Variants in WDR25 observed in about 807,000 individuals in gnomAD.
WDR25 encodes WD repeat domain 25.
Under a neutral mutation model 47.7 loss-of-function variants are expected in WDR25, and 35 were observed. That is an observed-to-expected ratio of 0.73 (90% CI 0.56 to 0.97). The LOEUF (loss-of-function observed/expected upper bound fraction) is 0.97, where lower values mean the gene tolerates loss of function less well. Ranked by LOEUF, WDR25 falls within the 50% of genes least tolerant of loss-of-function variation. The pLI, the probability that WDR25 is intolerant of heterozygous loss-of-function variation, is 0.00. For missense variants in WDR25, 634 were observed against 704.7 expected (o/e 0.90, Z 1.14); for synonymous variants, 248 against 278.9 (o/e 0.89, Z 1.10).
At position 100,421,999 on chromosome 14, in the gene WDR25, T is replaced by C. The variant is rs73343583; in HGVS notation, c.822+40253T>C. On this transcript the variant is annotated intron_variant, in intron 2 of 6. Coordinates refer to ENST00000402312, the MANE Select transcript of WDR25 (RefSeq NM_001161476.3). The stretch of plus-strand genomic sequence containing the variant: ...TTGTTTTTACTTTTTGTCTCTTGCA[T>C]ACAATATTGTAGTGAACATGTGTTC... Among the ~76,000 whole-genome samples the C allele has an allele frequency of 4.8e-3, 730 of 152,370 alleles. 10 individuals are homozygous for C. The highest frequency in any genetic ancestry group is 0.016 in the African/African-American group (686 of 41,588).
chr14:100,530,180 T>A lies in WDR25; in HGVS notation c.*139T>A. On this transcript the variant is annotated 3_prime_UTR_variant, in exon 7 of 7. Coordinates refer to ENST00000402312, the MANE Select transcript of WDR25 (RefSeq NM_001161476.3). The stretch of plus-strand genomic sequence containing the variant: ...TTCTGAGCCTCAGTTTCCTCATCTG[T>A]AAAGTGGGGAGAAAAGTCTGTTTGC... 1.2e-6 allele frequency: 1 copy of A among 867,690 alleles called. No individual in the cohort carries two copies. Among genetic ancestry groups the A allele is most frequent in the Non-Finnish European group, 1.7e-6 (1 of 576,976 alleles). The allele number at this position is 867,690 out of a possible 1,614,324, so 53.7% of individuals were successfully genotyped here. A position where few individuals can be genotyped will look rare whatever the true frequency, so the allele number is the denominator to read the frequency against.
Position 100,381,711 on chromosome 14 carries a change from A to T in WDR25, c.787A>T (p.Met263Leu). 6.2e-7 allele frequency: 1 copy of T among 1,611,116 alleles called. No homozygotes were observed. The highest frequency in any genetic ancestry group is 8.5e-7 in the Non-Finnish European group (1 of 1,179,014). ...GTGTCCAGTCCTTTCTAAGAGCCAC[A>T]TGCTTCTCTCCACTTCTATGGATAA... ...QWCPVLSKSH[M>L]LLSTSMDKTF... Residue 263 changes from methionine (M) to leucine (L), a missense_variant, in exon 2 of 7, where the codon ATG becomes TTG. Coordinates refer to ENST00000402312, the MANE Select transcript of WDR25 (RefSeq NM_001161476.3).
chr14:100,518,677 G>C (rs899675474), intron 4 of WDR25, among the ~76,000 whole-genome samples: 2 of 152,076 alleles, frequency 1.3e-5, no homozygotes, highest in Non-Finnish European at 2.9e-5. Flanking sequence ...GATTGTCTGA[G>C]CTCAGGAGTT....
intron 3 of WDR25, among the ~76,000 whole-genome samples, chr14:100,474,903 G>A (rs914758388): frequency 2.0e-5 from 3 of 152,122 alleles, no homozygotes; most frequent in South Asian, 2.1e-4. Flanking sequence ...TCTTGTGAGG[G>A]GCTAATATGG....
chr14:100,454,644 G>T, intron 2 of WDR25: 1 of 398,352 alleles, frequency 2.5e-6, no homozygotes, highest in South Asian at 1.9e-5. Flanking sequence ...TTATGATTTT[G>T]TCTGTTTGTT....
At chr14:100,477,005 T>TG (rs1363760831) in intron 3 of WDR25, among the ~76,000 whole-genome samples, 4 of 152,200 alleles carry the variant, frequency 2.6e-5, no homozygotes, top group Non-Finnish European at 4.4e-5. Flanking sequence ...CCCTGCATGA[T>TG]GATAGGATTC....
intron 4 of WDR25, among the ~76,000 whole-genome samples, chr14:100,519,611 ATCTC>A (rs1169055381): frequency 2.7e-5 from 4 of 149,690 alleles, no homozygotes; most frequent in Non-Finnish European, 5.9e-5. Flanking sequence ...ATGGAAGACT[ATCTC>A]TATATCTATA....
At chr14:100,465,993 A>C (rs1899616519) in intron 2 of WDR25, among the ~76,000 whole-genome samples, 1 of 152,192 alleles carries the variant, frequency 6.6e-6, no homozygotes, top group African/African-American at 2.4e-5. Flanking sequence ...TAACTTTTTT[A>C]CCATTTAACC....
At chr14:100,463,847 C>T (rs1320709522) in intron 2 of WDR25, among the ~76,000 whole-genome samples, 1 of 152,154 alleles carries the variant, frequency 6.6e-6, no homozygotes, top group Non-Finnish European at 1.5e-5. Flanking sequence ...TCATATCCTA[C>T]CTCCAGTCCA....
At chr14:100,386,766 G>A (rs1742950663) in intron 2 of WDR25, among the ~76,000 whole-genome samples, 2 of 152,188 alleles carry the variant, frequency 1.3e-5, no homozygotes, top group East Asian at 3.9e-4. Flanking sequence ...GGTGGTGGGC[G>A]GCTGTAGTCC....
chr14:100,526,941 A>ATTAT (rs1566950421), intron 5 of WDR25, among the ~76,000 whole-genome samples: 1 of 150,478 alleles, frequency 6.6e-6, no homozygotes, highest in African/African-American at 2.5e-5. Flanking sequence ...CATCACCACC[A>ATTAT]CACCATCTCT....
intron 4 of WDR25, among the ~76,000 whole-genome samples, chr14:100,490,838 T>A (rs1900537859): frequency 6.6e-6 from 1 of 152,242 alleles, no homozygotes; most frequent in African/African-American, 2.4e-5. Context: ...TTTGCCTTAA[T>A]GAGATTTTGA....
chr14:100,482,470 C>A (rs1328889556), intron 3 of WDR25, among the ~76,000 whole-genome samples: 1 of 152,082 alleles, frequency 6.6e-6, no homozygotes, highest in Non-Finnish European at 1.5e-5. Flanking sequence ...GGTACAGAGG[C>A]ACATTATTCA....
At position 100,414,829 on chromosome 14, in the gene WDR25, G is replaced by A. The variant is rs12878708; in HGVS notation, c.822+33083G>A. On this transcript the variant is annotated intron_variant, in intron 2 of 6. Transcript: ENST00000402312. ...TGAGGCAGGAGAATCGCGTGAACCC[G>A]GGAGGCGGAGCTTGCAGTGAGCCGA... 1.5e-4 allele frequency among the ~76,000 whole-genome samples: 23 copies of A among 151,840 alleles called. No homozygotes were observed. The East Asian group carries it at 1.6e-3, about 10-fold the overall frequency.
chr14:100,416,188 C>T (rs1018025523), intron 2 of WDR25, among the ~76,000 whole-genome samples: 18 of 152,118 alleles, frequency 1.2e-4, no homozygotes, highest in Admixed American at 2.6e-4. Flanking sequence ...TCCTCGCTGC[C>T]GTTTGGTTTC....
At chr14:100,481,612 A>G (rs1238742022) in intron 3 of WDR25, among the ~76,000 whole-genome samples, 1 of 152,082 alleles carries the variant, frequency 6.6e-6, no homozygotes, top group Non-Finnish European at 1.5e-5. Context: ...AGCATGTTAA[A>G]TGGCCATATG....
intron 3 of WDR25, chr14:100,476,415 A>C (rs995389902): frequency 6.6e-6 from 1 of 152,228 alleles, no homozygotes; most frequent in African/African-American, 2.4e-5. Flanking sequence ...TATTGATTTT[A>C]GCGAAGTGAG....
intron 2 of WDR25, among the ~76,000 whole-genome samples, chr14:100,429,544 G>A (rs943922220): frequency 3.9e-5 from 6 of 152,150 alleles, no homozygotes; most frequent in East Asian, 1.9e-4. Flanking sequence ...TTCTGAGAAC[G>A]TCAGAAAATC....
At chr14:100,403,502 C>G (rs1013309751) in intron 2 of WDR25, among the ~76,000 whole-genome samples, 1 of 152,186 alleles carries the variant, frequency 6.6e-6, no homozygotes, top group African/African-American at 2.4e-5. Flanking sequence ...CTCTGCTTCT[C>G]CCCCACTGTT....
Sources: allele counts gnomAD v4.1 joint callset (sites outside exome capture counted in the v4.1 genomes callset), GRCh38; gene constraint gnomAD v4.1.1; transcripts MANE v1.5; gene names NCBI Gene and HGNC (gene_info 2026-07-23, HGNC 2026-07-21).